RGS6: variants seen among roughly 807,000 people sequenced by gnomAD.
RGS6 encodes the protein regulator of G protein signaling 6, also known as regulator of G-protein signaling 6.
In RGS6, 30 loss-of-function variants were observed where a neutral mutation model predicts 78.5. The ratio of observed to expected loss-of-function variants is 0.38; its 90% CI spans 0.29 to 0.52. The LOEUF (loss-of-function observed/expected upper bound fraction) is 0.52. Among genes scored for constraint, RGS6 ranks in the 20% least tolerant of loss-of-function variants. RGS6 has a pLI of 0.85. For synonymous variants in RGS6, 206 were observed against 206.0 expected (o/e 1.00, Z 0.00); for missense variants, 495 against 609.7 (o/e 0.81, Z 1.98).
At chr14:72,550,597 G>T in intron 17 of RGS6, 4 of 1,534,944 alleles carry the variant, frequency 2.6e-6, no homozygotes, top group Non-Finnish European at 3.5e-6. Flanking sequence ...GGGGAATTCT[G>T]ATACGTGCTC....
the RGS6 span, among the ~76,000 whole-genome samples, chr14:71,897,246 G>C: frequency 6.6e-6 from 1 of 152,218 alleles, no homozygotes; most frequent in African/African-American, 2.4e-5. Context: ...AGTGGGGAGA[G>C]TATGGGTTCC....
rs1054110544 is a variant in RGS6 at position 72,027,232 on chromosome 14, AGAGT to A, written c.84+62359_84+62362del. ...CCTCTGCTTTAAGAGAGAGAGAGAG[AGAGT>A]GTGTGTGTGTGCATGTGTGTATAAT... On this transcript the variant is annotated intron_variant, in intron 2 of 17. Transcript: ENST00000553525. 4.0e-4 allele frequency among the ~76,000 whole-genome samples: 60 copies of A among 150,566 alleles called. 1 individual carries two copies. The highest frequency in any genetic ancestry group is 3.4e-3 in the Admixed American group (52 of 15,138).
intron 2 of RGS6, among the ~76,000 whole-genome samples, chr14:72,202,262 A>G (rs1363553868): frequency 1.3e-5 from 2 of 152,206 alleles, no homozygotes; most frequent in Admixed American, 1.3e-4. Flanking sequence ...GAGACCATGC[A>G]TCAACCCTAC....
intron 17 of RGS6, among the ~76,000 whole-genome samples, chr14:72,560,998 C>A (rs2097667854): frequency 6.6e-6 from 1 of 152,050 alleles, no homozygotes; most frequent in Non-Finnish European, 1.5e-5. Flanking sequence ...ATCTATAGCA[C>A]CAGAATTCTC....
At chr14:72,502,774 A>G (rs1190499203) in intron 13 of RGS6, among the ~76,000 whole-genome samples, 1 of 105,582 alleles carries the variant, frequency 9.5e-6, no homozygotes, top group Non-Finnish European at 1.9e-5. Flanking sequence ...AAGAAAAGAA[A>G]GGAAAAGAAA....
At chr14:71,995,149 C>T (rs377650151) in intron 2 of RGS6, among the ~76,000 whole-genome samples, 1 of 152,160 alleles carries the variant, frequency 6.6e-6, no homozygotes, top group Non-Finnish European at 1.5e-5. Flanking sequence ...ACCCCTTTTC[C>T]CTCATAAGCC....
rs1020274830 is a variant in RGS6, at chr14:72,332,332, G to C, written c.85-19763G>C. 4.8e-4 allele frequency among the ~76,000 whole-genome samples: 73 copies of C among 152,246 alleles called. 1 individual carries two copies. Among genetic ancestry groups the C allele is most frequent in the African/African-American group, 1.7e-3 (71 of 41,462 alleles). Reference sequence around the variant, plus strand: ...CAGGCGGTAGGTTTGCCTGCATGCTGTGAATGCCAGGATTATTGTTGGGGT... The same window carrying C: ...CAGGCGGTAGGTTTGCCTGCATGCTCTGAATGCCAGGATTATTGTTGGGGT... On this transcript the variant is annotated intron_variant, in intron 2 of 17. Coordinates refer to ENST00000553525, the MANE Select transcript of RGS6 (RefSeq NM_001204424.2).
At chr14:72,193,906 G>A (rs1241242833) in intron 2 of RGS6, among the ~76,000 whole-genome samples, 3 of 152,170 alleles carry the variant, frequency 2.0e-5, no homozygotes, top group African/African-American at 7.2e-5. Flanking sequence ...CAAAACAGGA[G>A]GGAGTTCATG....
chr14:72,149,169 G>A (rs576093574), intron 2 of RGS6, among the ~76,000 whole-genome samples: 4 of 152,188 alleles, frequency 2.6e-5, no homozygotes, highest in Non-Finnish European at 4.4e-5. Context: ...TGGCTGCTTA[G>A]CTTCTTCAGA....
At chr14:72,412,764 T>C (rs1407751678) in intron 3 of RGS6, among the ~76,000 whole-genome samples, 2 of 152,238 alleles carry the variant, frequency 1.3e-5, no homozygotes, top group African/African-American at 4.8e-5. Context: ...TCTGGTATGT[T>C]GTGTCTTTGT....
At chr14:72,214,546 C>T (rs983867479) in intron 2 of RGS6, among the ~76,000 whole-genome samples, 2 of 152,080 alleles carry the variant, frequency 1.3e-5, no homozygotes, top group African/African-American at 4.8e-5. Flanking sequence ...TATTTTTAGC[C>T]CCCAAGGCAT....
intron 2 of RGS6, among the ~76,000 whole-genome samples, chr14:72,087,510 T>G (rs2095094996): frequency 6.6e-6 from 1 of 152,048 alleles, no homozygotes; most frequent in African/African-American, 2.4e-5. Context: ...AAACTATAGA[T>G]ACATACAACA....
the RGS6 span, among the ~76,000 whole-genome samples, chr14:71,896,554 T>C: frequency 1.1e-4 from 17 of 152,338 alleles, no homozygotes; most frequent in African/African-American, 4.1e-4. Flanking sequence ...GCCAACCTTC[T>C]ATCTCATCCG....
At chr14:72,525,669 G>A (rs2097107808) in intron 15 of RGS6, among the ~76,000 whole-genome samples, 1 of 152,226 alleles carries the variant, frequency 6.6e-6, no homozygotes, top group South Asian at 2.1e-4. Flanking sequence ...TTATTCAGAA[G>A]TAGAAGTCTT....
At chr14:72,376,596 C>T (rs555330438) in intron 3 of RGS6, among the ~76,000 whole-genome samples, 52 of 152,076 alleles carry the variant, frequency 3.4e-4, no homozygotes, top group Admixed American at 7.2e-4. Flanking sequence ...CTTCAAGTCA[C>T]ATATAAGGTA....
intron 12 of RGS6, among the ~76,000 whole-genome samples, chr14:72,483,551 A>T (rs1218149988): frequency 2.6e-5 from 4 of 152,204 alleles, no homozygotes; most frequent in African/African-American, 9.7e-5. Context: ...AGGGTCTATT[A>T]AAAACCTGCT....
At chr14:71,945,716 G>A (rs1432453723) in intron 1 of RGS6, among the ~76,000 whole-genome samples, 1 of 152,182 alleles carries the variant, frequency 6.6e-6, no homozygotes, top group Non-Finnish European at 1.5e-5. Context: ...TGGATCTCAG[G>A]GTTGGGGTTG....
intron 2 of RGS6, among the ~76,000 whole-genome samples, chr14:71,993,316 T>A (rs2095048742): frequency 6.6e-6 from 1 of 152,180 alleles, no homozygotes; most frequent in Non-Finnish European, 1.5e-5. Flanking sequence ...CAAAATATTT[T>A]TTTTAGAGAG....
chr14:72,414,524 C>A (rs1161611253), intron 3 of RGS6, among the ~76,000 whole-genome samples: 1 of 152,094 alleles, frequency 6.6e-6, no homozygotes, highest in South Asian at 2.1e-4. Context: ...CCTCCTTTAG[C>A]TGGTAGTTTG....
Sources: allele counts gnomAD v4.1 joint callset (sites outside exome capture counted in the v4.1 genomes callset), GRCh38; gene constraint gnomAD v4.1.1; transcripts MANE v1.5; gene names NCBI Gene and HGNC (gene_info 2026-07-23, HGNC 2026-07-21).